The following TRPM6 variants were observed in gnomAD, a reference collection of about 807,000 sequenced individuals.
TRPM6 encodes channel kinase 2.
TRPM6 carries 111 observed loss-of-function variants against 247.6 expected under a neutral mutation model. The ratio of observed to expected loss-of-function variants is 0.45; its 90% confidence interval spans 0.38 to 0.52. The LOEUF (loss-of-function observed/expected upper bound fraction) is 0.52, where lower values mean the gene tolerates loss of function less well. TRPM6 is among the 20% of genes least tolerant of loss of function. The pLI is 0.00. For synonymous variants in TRPM6, 892 were observed against 853.8 expected (o/e 1.04, Z -0.78); for missense variants, 2,126 against 2,421.5 (o/e 0.88, Z 2.56).
intron 17 of TRPM6, chr9:74,799,837 T>C (rs1169240193): frequency 4.6e-6 from 1 of 217,654 alleles, no homozygotes; most frequent in Non-Finnish European, 9.3e-6. Context: ...AAAAGTCGTC[T>C]TCACAGATTC....
At chr9:74,844,122 G>C (rs1830032610) in intron 3 of TRPM6, among the ~76,000 whole-genome samples, 1 of 152,186 alleles carries the variant, frequency 6.6e-6, no homozygotes, top group African/African-American at 2.4e-5. Flanking sequence ...AGTACATTTA[G>C]CATAATTATT....
At position 74,785,879 on chromosome 9, in the gene TRPM6, T is replaced by G; in HGVS notation, c.2914A>C (p.Lys972Gln). 6.2e-7 allele frequency: 1 copy of G among 1,614,210 alleles called. No homozygotes were observed. The highest frequency in any genetic ancestry group is 8.5e-7 in the Non-Finnish European group (1 of 1,180,048). Reference protein sequence around the residue: ...HAGPYVTMIAKMTANMFYIVI... With the variant: ...HAGPYVTMIAQMTANMFYIVI... ...TAAAACTAGACTGTACTCACCATTT[T>G]TGCAATCATGGTCACATATGGACCT... The change falls in exon 21 of 39, where the codon AAA (lysine) becomes CAA (glutamine). Residue 972 changes from lysine to glutamine, a missense_variant. Physicochemically the swap from Lys to Gln is moderately conservative, Grantham distance 53. This residue lies in a region of TRPM6 where 1,082 missense variants were observed against 1,307.9 expected (regional missense o/e 0.83). Coordinates refer to ENST00000360774, the MANE Select transcript of TRPM6 (RefSeq NM_017662.5).
chr9:74,797,867 A>C (rs1828156319), intron 17 of TRPM6, among the ~76,000 whole-genome samples: 1 of 152,144 alleles, frequency 6.6e-6, no homozygotes, highest in Non-Finnish European at 1.5e-5. Flanking sequence ...AAACACATTA[A>C]AATTAGTTGA....
At chr9:74,744,281 A>G (rs1186870999) in intron 31 of TRPM6, 136 bp from the exon 32 acceptor site, 1 of 937,746 alleles carries the variant, frequency 1.1e-6, no homozygotes, top group Admixed American at 1.8e-5. Context: ...AGCTTGCCTA[A>G]TATTTTTTAA....
intron 11 of TRPM6, among the ~76,000 whole-genome samples, 192 bp from the exon 12 acceptor site, chr9:74,812,625 C>T (rs1020080305): frequency 5.3e-5 from 8 of 151,090 alleles, no homozygotes; most frequent in African/African-American, 1.9e-4. Flanking sequence ...CTCAGTGGCG[C>T]ACACCTGTAA....
chr9:74,803,981 A>G (rs1188758801), intron 14 of TRPM6, 95 bp from the exon 15 acceptor site: 1 of 815,356 alleles, frequency 1.2e-6, no homozygotes, highest in African/African-American at 1.7e-5. Flanking sequence ...TAGTGGTAAC[A>G]ATATTTTATT....
chr9:74,880,925 T>C (rs1831340926), intron 1 of TRPM6, among the ~76,000 whole-genome samples: 3 of 152,026 alleles, frequency 2.0e-5, no homozygotes, highest in Admixed American at 6.6e-5. Flanking sequence ...TGCTCCCAGA[T>C]CAATAATAAC....
chr9:74,774,769 C>T (rs1827160542), intron 24 of TRPM6, among the ~76,000 whole-genome samples: 1 of 152,152 alleles, frequency 6.6e-6, no homozygotes, highest in Non-Finnish European at 1.5e-5. Flanking sequence ...TTAAAGCAAT[C>T]CCTAAAATCA....
At position 74,821,712 on chromosome 9, in the gene TRPM6, C is replaced by T; in HGVS notation, c.967G>A (p.Ala323Thr). 6.2e-7 allele frequency: 1 copy of T among 1,614,202 alleles called. No individual in the cohort carries two copies. The highest frequency in any genetic ancestry group is 2.2e-5 in the East Asian group (1 of 44,876). Residue 323 changes from alanine (A) to threonine (T), a missense_variant, in exon 8 of 39, where the codon GCT (alanine) becomes ACT (threonine). Physicochemically the swap from Ala to Thr is moderately conservative, Grantham distance 58 (BLOSUM62 0). Around this residue, in one of 3 missense-constraint regions of TRPM6, gnomAD observed 1,082 missense variants for 1,307.9 expected, o/e 0.83. Coordinates refer to ENST00000360774, the MANE Select transcript of TRPM6 (RefSeq NM_017662.5). ...VVVCEGTGRA[A>T]DLLAFTHKHL... is the part of the protein sequence containing the mutation. ...TTGTGTGTGAAGGCCAGGAGGTCAG[C>T]CGCCCTACCTGTGCCCTCACACACC... is the stretch of plus-strand genomic sequence containing the variant.
At chr9:74,730,078 C>T (rs958364247) in intron 37 of TRPM6, among the ~76,000 whole-genome samples, 19 of 152,118 alleles carry the variant, frequency 1.2e-4, no homozygotes, top group African/African-American at 4.1e-4. Context: ...CGCTACAGCA[C>T]GCCTAGAGCC....
intron 3 of TRPM6, among the ~76,000 whole-genome samples, chr9:74,852,685 G>T (rs1366498910): frequency 1.3e-5 from 2 of 152,210 alleles, no homozygotes; most frequent in African/African-American, 2.4e-5. Context: ...TGGAGACGGG[G>T]TTTCGCAGTG....
chr9:74,798,994 C>T (rs902629755), intron 17 of TRPM6, among the ~76,000 whole-genome samples: 8 of 152,186 alleles, frequency 5.3e-5, no homozygotes, highest in South Asian at 2.1e-4. Flanking sequence ...CTATCTATAT[C>T]TTATCTCACT....
intron 21 of TRPM6, among the ~76,000 whole-genome samples, chr9:74,785,401 G>A (rs948131402): frequency 6.6e-6 from 1 of 152,140 alleles, no homozygotes; most frequent in Non-Finnish European, 1.5e-5. Context: ...AAGGATTAAT[G>A]CTCGAGGTGA....
intron 29 of TRPM6, among the ~76,000 whole-genome samples, chr9:74,752,015 T>C (rs1826266205): frequency 1.3e-5 from 2 of 152,204 alleles, no homozygotes; most frequent in Admixed American, 1.3e-4. Flanking sequence ...GAATTCTTTC[T>C]CTCTCATGCT....
At chr9:74,810,705 T>C (rs1828699544) in intron 13 of TRPM6, 110 bp downstream of exon 13, 1 of 926,460 alleles carries the variant, frequency 1.1e-6, no homozygotes, top group Non-Finnish European at 1.8e-6. Context: ...AGATAGGTAA[T>C]TAACAAAACA....
At chr9:74,810,676 G>C (rs1211624808) in intron 13 of TRPM6, 139 bp downstream of exon 13, 2 of 770,916 alleles carry the variant, frequency 2.6e-6, no homozygotes, top group Non-Finnish European at 2.3e-6. Context: ...TGATGAACTT[G>C]TTCAAATCAA....
rs1458456175 is a variant in TRPM6, at chr9:74,755,432, A to C, written c.4827T>G (p.Asn1609Lys). 3 of 1,614,002 alleles carry C rather than the reference A, an allele frequency of 1.9e-6. No individual in the cohort carries two copies. The African/African-American group carries it at 4.0e-5, about 22-fold the overall frequency. Residue 1609 changes from asparagine (N) to lysine (K), a missense_variant, in exon 28 of 39, where the codon AAT becomes AAG. Transcript: ENST00000360774. ...AGATGCTGTTTTCTCCTGGCTCTGG[A>C]TTCAACTGGTCACTCTGAGAGCAGG... Reference protein sequence around the residue: ...VNACSQSDQLNPEPGENSISE... With the variant: ...VNACSQSDQLKPEPGENSISE...
intron 28 of TRPM6, among the ~76,000 whole-genome samples, chr9:74,754,370 G>A (rs2118806802): frequency 6.6e-6 from 1 of 152,266 alleles, no homozygotes; most frequent in South Asian, 2.1e-4. Flanking sequence ...CCTTAGCAAT[G>A]ACATTTTGGG....
chr9:74,809,750 G>T (rs915055443), intron 13 of TRPM6, among the ~76,000 whole-genome samples: 6 of 152,120 alleles, frequency 3.9e-5, no homozygotes, highest in African/African-American at 1.4e-4. Flanking sequence ...AGACCAAGGC[G>T]GGTGGATCAC....
Sources: allele counts gnomAD v4.1 joint callset (sites outside exome capture counted in the v4.1 genomes callset), GRCh38; gene constraint gnomAD v4.1.1; regional missense constraint gnomAD v4.1.1; transcripts MANE v1.5; gene names NCBI Gene and HGNC (gene_info 2026-07-23, HGNC 2026-07-21).